ATP8A1: variants seen among roughly 807,000 people sequenced by gnomAD.
ATP8A1 encodes the protein ATPase phospholipid transporting 8A1, also known as phospholipid-transporting ATPase IA.
Under a neutral mutation model 177.7 loss-of-function variants are expected in ATP8A1, and 90 were observed. The observed-to-expected ratio is 0.51, with a 90% CI of 0.43 to 0.60. The LOEUF is 0.60. Ranked by LOEUF, ATP8A1 falls within the 20% of genes least tolerant of loss-of-function variation. ATP8A1 has a pLI of 0.00. For synonymous variants in ATP8A1, 493 were observed against 485.9 expected (o/e 1.01, Z -0.19); for missense variants, 1,072 against 1,392.8 (o/e 0.77, Z 3.67).
intron 15 of ATP8A1, among the ~76,000 whole-genome samples, chr4:42,558,729 T>C (rs759563063): frequency 6.6e-6 from 1 of 152,126 alleles, no homozygotes; most frequent in African/African-American, 2.4e-5. Flanking sequence ...AAACTCCAGA[T>C]GGATCAATGA....
intron 22 of ATP8A1, among the ~76,000 whole-genome samples, chr4:42,509,203 G>C (rs1358968025): frequency 1.3e-5 from 2 of 152,160 alleles, no homozygotes; most frequent in African/African-American, 4.8e-5. Context: ...TAATTATAAA[G>C]GCCATATAGA....
intron 6 of ATP8A1, among the ~76,000 whole-genome samples, chr4:42,599,364 T>C (rs562267254): frequency 1.2e-3 from 176 of 152,296 alleles, no homozygotes; most frequent in Non-Finnish European, 2.0e-3. Flanking sequence ...GAAACTTATT[T>C]TGAAATTGCT....
intron 35 of ATP8A1, among the ~76,000 whole-genome samples, chr4:42,417,425 T>A (rs1247092377): frequency 6.6e-6 from 1 of 152,122 alleles, no homozygotes; most frequent in Non-Finnish European, 1.5e-5. Flanking sequence ...TCTCTTATAG[T>A]CTTTCATTTA....
Position 42,411,202 on chromosome 4 carries a change from CCT to C in ATP8A1, c.*1712_*1713del, listed in dbSNP as rs1188004227. The C allele has an allele frequency of 6.6e-6, 1 of 152,114 alleles. No homozygotes were observed. Among genetic ancestry groups the C allele is most frequent in the African/African-American group, 2.4e-5 (1 of 41,422 alleles). 9.4% of individuals were successfully genotyped at this position (152,114 alleles called of 1,614,324 possible). A position where few individuals can be genotyped will look rare whatever the true frequency, so the allele number is the denominator to read the frequency against. ...TTAGAATTATGTATATGTGTTATAA[CCT>C]CTTATTTGTAGAAAATGGAGAGGCA... On this transcript the variant is annotated 3_prime_UTR_variant, in exon 37 of 37. Transcript: ENST00000381668.
intron 10 of ATP8A1, among the ~76,000 whole-genome samples, chr4:42,581,184 A>C (rs916452685): frequency 6.6e-6 from 1 of 151,608 alleles, no homozygotes; most frequent in Non-Finnish European, 1.5e-5. Flanking sequence ...CCCAGGCTGG[A>C]GTACAGTGGC....
At chr4:42,640,346 A>C (rs1031430989) in intron 1 of ATP8A1, among the ~76,000 whole-genome samples, 9 of 152,232 alleles carry the variant, frequency 5.9e-5, no homozygotes, top group Admixed American at 5.9e-4. Flanking sequence ...CTCAAAGACC[A>C]AAAAGAAATG....
At chr4:42,561,186 C>T (rs940074607) in intron 15 of ATP8A1, among the ~76,000 whole-genome samples, 3 of 152,330 alleles carry the variant, frequency 2.0e-5, no homozygotes, top group Admixed American at 1.3e-4. Flanking sequence ...TTTTATCCAG[C>T]GTGTGCACGG....
At chr4:42,424,024 A>G (rs903761536) in intron 33 of ATP8A1, among the ~76,000 whole-genome samples, 1 of 152,164 alleles carries the variant, frequency 6.6e-6, no homozygotes, top group Non-Finnish European at 1.5e-5. Context: ...CAGATAAATC[A>G]TGACTACTGT....
chr4:42,435,435 A>ACG (rs1349872779), intron 33 of ATP8A1, among the ~76,000 whole-genome samples: 2 of 100,318 alleles, frequency 2.0e-5, no homozygotes, highest in Non-Finnish European at 4.0e-5. Context: ...TCAAAAAAAA[A>ACG]AAAAAAAAAA....
intron 35 of ATP8A1, among the ~76,000 whole-genome samples, chr4:42,417,838 C>T (rs559513344): frequency 1.3e-5 from 2 of 152,188 alleles, no homozygotes; most frequent in East Asian, 1.9e-4. Flanking sequence ...GCTGTGGTGG[C>T]GGAGAAACAA....
At chr4:42,418,160 G>A (rs1713458337) in intron 35 of ATP8A1, among the ~76,000 whole-genome samples, 5 of 152,052 alleles carry the variant, frequency 3.3e-5, no homozygotes. Flanking sequence ...CTACACCACC[G>A]AGTTCTCTGA....
chr4:42,513,884 GGTTTAAAATAC>G (rs1414653091), intron 22 of ATP8A1, among the ~76,000 whole-genome samples: 18 of 152,292 alleles, frequency 1.2e-4, no homozygotes, highest in Admixed American at 1.0e-3. Flanking sequence ...ATTCTCTTGA[GGTTTAAAATAC>G]GTTAACTCTG....
chr4:42,418,555 G>A (rs1034099193), intron 35 of ATP8A1, among the ~76,000 whole-genome samples: 1 of 151,998 alleles, frequency 6.6e-6, no homozygotes, highest in Admixed American at 6.6e-5. Flanking sequence ...CCAGTGGACG[G>A]TTTTTCCTCA....
At chr4:42,586,745 T>C (rs1484495244) in intron 8 of ATP8A1, among the ~76,000 whole-genome samples, 6 of 152,242 alleles carry the variant, frequency 3.9e-5, no homozygotes, top group Non-Finnish European at 8.8e-5. Flanking sequence ...TAATTTGAAG[T>C]CAGTCCCCAA....
At chr4:42,596,761 G>A (rs1263454343) in intron 6 of ATP8A1, among the ~76,000 whole-genome samples, 1 of 151,750 alleles carries the variant, frequency 6.6e-6, no homozygotes, top group Non-Finnish European at 1.5e-5. Context: ...TTTTACACAT[G>A]CATACAGCCC....
chr4:42,416,244 T>C (rs1172047868), intron 35 of ATP8A1, among the ~76,000 whole-genome samples: 3 of 152,174 alleles, frequency 2.0e-5, no homozygotes, highest in African/African-American at 7.2e-5. Context: ...CTGACTTCCT[T>C]AGCAGAGCCT....
intron 30 of ATP8A1, among the ~76,000 whole-genome samples, chr4:42,450,207 C>G (rs1717781976): frequency 6.6e-6 from 1 of 152,060 alleles, no homozygotes; most frequent in South Asian, 2.1e-4. Context: ...ATTCCAGCTG[C>G]AACATGGATG....
chr4:42,569,308 G>T, intron 14 of ATP8A1, 103 bp from the exon 15 acceptor site: 2 of 803,798 alleles, frequency 2.5e-6, no homozygotes, highest in Non-Finnish European at 3.8e-6. Flanking sequence ...ATGGATCACT[G>T]AAAAGTTAAC....
At chr4:42,528,691 A>G (rs1225404197) in intron 20 of ATP8A1, among the ~76,000 whole-genome samples, 3 of 151,662 alleles carry the variant, frequency 2.0e-5, no homozygotes, top group African/African-American at 7.3e-5. Context: ...GGGCATATCA[A>G]CTCTCCTGCT....
Sources: allele counts gnomAD v4.1 joint callset (sites outside exome capture counted in the v4.1 genomes callset), GRCh38; gene constraint gnomAD v4.1.1; transcripts MANE v1.5; gene names NCBI Gene and HGNC (gene_info 2026-07-23, HGNC 2026-07-21).